ATP5MF: variants seen among roughly 807,000 people sequenced by gnomAD.
The protein encoded by ATP5MF is ATP synthase F(0) complex subunit f, mitochondrial.
A neutral mutation model predicts 13.8 loss-of-function variants in ATP5MF; 10 were observed. The observed-to-expected ratio is 0.72, with a 90% confidence interval of 0.45 to 1.23. ATP5MF has a LOEUF of 1.23. Among genes scored for constraint, ATP5MF ranks in the 50% most tolerant of loss-of-function variants. The pLI is 0.00. For missense variants in ATP5MF, 122 were observed against 118.2 expected, an observed-to-expected ratio of 1.03 and a Z score of -0.15; for synonymous variants, 40 against 45.8, an observed-to-expected ratio of 0.87 and a Z score of 0.51.
chr7:99,459,693 C>T, intron 2 of ATP5MF: 1 of 252,602 alleles, frequency 4.0e-6, no homozygotes, highest in Non-Finnish European at 7.6e-6. Context: ...GGATTACAGG[C>T]ATAAGCCACC....
intron 1 of ATP5MF, among the ~76,000 whole-genome samples, chr7:99,464,276 C>T (rs1459951652): frequency 2.6e-5 from 4 of 152,240 alleles, no homozygotes; most frequent in African/African-American, 9.6e-5. Context: ...CCGTGTACGA[C>T]GAATGCTATT....
chr7:99,462,288 TAAAAAAAAAAAAAAA>T (rs755455949), intron 1 of ATP5MF, among the ~76,000 whole-genome samples: 2 of 30,872 alleles, frequency 6.5e-5, no homozygotes, highest in Non-Finnish European at 5.8e-5. Context: ...CCATCACTAC[TAAAAAAAAAAAAAAA>T]AAAAAAAAAA....
chr7:99,459,309 G>T, intron 2 of ATP5MF, 46 bp from the exon 3 acceptor site: 2 of 1,379,460 alleles, frequency 1.4e-6, no homozygotes, highest in South Asian at 2.3e-5. Flanking sequence ...CTTCACATTT[G>T]AGTGAAGTTG....
chr7:99,464,914 C>T (rs1047505388), intron 1 of ATP5MF, among the ~76,000 whole-genome samples: 1 of 150,594 alleles, frequency 6.6e-6, no homozygotes, highest in African/African-American at 2.4e-5. Flanking sequence ...GTTGCAGAGA[C>T]GAGATCAGCT....
At chr7:99,461,363 C>T (rs1455655295) in intron 1 of ATP5MF, among the ~76,000 whole-genome samples, 3 of 152,070 alleles carry the variant, frequency 2.0e-5, no homozygotes, top group African/African-American at 4.8e-5. Flanking sequence ...GTGTGTGCCA[C>T]CACACCCAGC....
At chr7:99,458,435 C>G in intron 3 of ATP5MF, 80 bp from the exon 4 acceptor site, 1 of 1,407,240 alleles carries the variant, frequency 7.1e-7, no homozygotes, top group Non-Finnish European at 9.8e-7. Context: ...AGGCTGAGAT[C>G]ACACAAAGCC....
chr7:99,460,365 AAGACTGAGTCTATACAAT>A (rs1798545351), intron 1 of ATP5MF, 172 bp from the exon 2 acceptor site: 1 of 778,884 alleles, frequency 1.3e-6, no homozygotes, highest in East Asian at 2.6e-5. Flanking sequence ...CCACTATTTT[AAGACTGAGTCTATACAAT>A]AGCAGAACTG....
intron 1 of ATP5MF, among the ~76,000 whole-genome samples, chr7:99,461,916 C>G (rs1483441956): frequency 1.3e-5 from 2 of 150,814 alleles, no homozygotes; most frequent in Non-Finnish European, 3.0e-5. Context: ...CCTCGGCCCC[C>G]CAAAGTGCTG....
At chr7:99,459,681 C>T (rs1798512279) in intron 2 of ATP5MF, 2 of 241,122 alleles carry the variant, frequency 8.3e-6, no homozygotes, top group Non-Finnish European at 1.6e-5. Context: ...CCCGAAGTGC[C>T]GGGATTACAG....
chr7:99,458,974 T>C (rs1798468600), intron 3 of ATP5MF, 173 bp downstream of exon 3: 4 of 574,712 alleles, frequency 7.0e-6, no homozygotes, highest in Non-Finnish European at 6.2e-6. Flanking sequence ...TTTCAAACAA[T>C]ATCCCACATA....
chr7:99,458,922 T>G lies in ATP5MF; in HGVS notation c.256+225A>C, dbSNP rs190870935. On this transcript the variant is annotated intron_variant, in intron 3 of 3. Transcript: ENST00000292475. ...TCTAAGTACTCTCTTTACCCTGGCT[T>G]CATCTTGATTTTCCTGTGTTCTCTT... 3.2e-5 allele frequency: 17 copies of G among 531,740 alleles called. No individual in the cohort carries two copies. The East Asian group carries it at 5.5e-4, about 17-fold the overall frequency. The allele number at this position is 531,740 out of a possible 1,614,324, so 32.9% of individuals were successfully genotyped here. A position where few individuals can be genotyped will look rare whatever the true frequency, so the allele number is the denominator to read the frequency against.
chr7:99,462,048 G>GGCT (rs1363657414), intron 1 of ATP5MF, among the ~76,000 whole-genome samples: 4 of 151,890 alleles, frequency 2.6e-5, no homozygotes, highest in African/African-American at 9.7e-5. Flanking sequence ...CATGTTCAGG[G>GGCT]GCTGGCATGG....
chr7:99,465,307 T>C (rs1156761978), intron 1 of ATP5MF, among the ~76,000 whole-genome samples: 5 of 151,708 alleles, frequency 3.3e-5, no homozygotes, highest in African/African-American at 1.2e-4. Flanking sequence ...AAGACACACA[T>C]GTGTTAATCA....
chr7:99,458,224 T>G lies in ATP5MF; in HGVS notation c.*103A>C, dbSNP rs531418489. Reference sequence around the variant, plus strand: ...AGTCATGTTTTATTTGGAGGTTAATTCCTATTAGGATATGAAAGGATTCAG... The same window carrying G: ...AGTCATGTTTTATTTGGAGGTTAATGCCTATTAGGATATGAAAGGATTCAG... On this transcript the variant is annotated 3_prime_UTR_variant, in exon 4 of 4. Coordinates refer to ENST00000292475, the MANE Select transcript of ATP5MF (RefSeq NM_004889.5). 2.9e-5 allele frequency: 36 copies of G among 1,221,148 alleles called. No homozygotes were observed. The East Asian group carries it at 7.6e-4, about 26-fold the overall frequency. 75.6% of individuals were successfully genotyped at this position (1,221,148 alleles called of 1,614,324 possible). A position where few individuals can be genotyped will look rare whatever the true frequency, so the allele number is the denominator to read the frequency against.
chr7:99,459,414 A>G (rs541201235), intron 2 of ATP5MF, 151 bp from the exon 3 acceptor site: 84 of 649,700 alleles, frequency 1.3e-4, no homozygotes, highest in South Asian at 5.8e-4. Flanking sequence ...TAAAGATGAC[A>G]AGCACAAATG....
At chr7:99,459,639 A>G (rs1231573386) in intron 2 of ATP5MF, 1 of 243,530 alleles carries the variant, frequency 4.1e-6, no homozygotes, top group Admixed American at 5.1e-5. Context: ...GCTGGTCTAA[A>G]CTCGGCTCAA....
chr7:99,461,677 T>C (rs1274799512), intron 1 of ATP5MF, among the ~76,000 whole-genome samples: 1 of 149,618 alleles, frequency 6.7e-6, no homozygotes, highest in Non-Finnish European at 1.5e-5. Flanking sequence ...AACTGCACCA[T>C]GAGATCACGC....
intron 1 of ATP5MF, among the ~76,000 whole-genome samples, chr7:99,461,000 G>A (rs917094296): frequency 2.6e-5 from 4 of 152,124 alleles, no homozygotes; most frequent in Admixed American, 6.5e-5. Context: ...CACTCCAAAT[G>A]ACTGAACGGC....
intron 3 of ATP5MF, 42 bp from the exon 4 acceptor site, chr7:99,458,397 A>G: frequency 6.3e-7 from 1 of 1,587,632 alleles, no homozygotes; most frequent in Non-Finnish European, 8.6e-7. Flanking sequence ...TTAAAAGGTT[A>G]CAGTGAAGGC....
Sources: gnomAD v4.1 joint callset for allele counts (sites outside exome capture counted in the v4.1 genomes callset) on GRCh38, gnomAD v4.1.1 for gene constraint, MANE v1.5 for transcripts, NCBI Gene and HGNC (gene_info 2026-07-23, HGNC 2026-07-21) for gene names.